The following ZC3H12B variants were observed in gnomAD, a reference collection of about 807,000 sequenced individuals.
ZC3H12B encodes zinc finger CCCH-type containing 12B, also known as probable ribonuclease ZC3H12B.
ZC3H12B carries 7 observed loss-of-function variants against 43.9 expected under a neutral mutation model. That is an observed-to-expected ratio of 0.16 (90% confidence interval 0.09 to 0.30). The LOEUF is 0.30. Ranked by LOEUF, ZC3H12B falls within the 10% of genes least tolerant of loss-of-function variation. The pLI is 1.00. For missense variants in ZC3H12B, 475 were observed against 670.2 expected, an observed-to-expected ratio of 0.71 and a Z score of 3.22; for synonymous variants, 222 against 241.7, an observed-to-expected ratio of 0.92 and a Z score of 0.76.
the ZC3H12B span, among the ~76,000 whole-genome samples, chrX:65,212,977 A>G: frequency 2.8e-5 from 3 of 107,291 alleles, no homozygotes; most frequent in African/African-American, 1.0e-4. Context: ...GTGTAATGCC[A>G]TTATTTGTTT....
At chrX:65,057,451 T>A in the ZC3H12B span, among the ~76,000 whole-genome samples, 6 of 112,127 alleles carry the variant, frequency 5.4e-5, no homozygotes, top group Non-Finnish European at 1.1e-4. Context: ...CTGAGAGATC[T>A]GCTGTTAGTC....
chrX:65,295,485 A>G, the ZC3H12B span, among the ~76,000 whole-genome samples: 1 of 111,681 alleles, frequency 9.0e-6, no homozygotes, highest in Non-Finnish European at 1.9e-5. Flanking sequence ...AAGTAAGGTC[A>G]CACCTCAAGG....
chrX:65,388,216 G>T (rs900494523), intron 2 of ZC3H12B, among the ~76,000 whole-genome samples: 1 of 111,980 alleles, frequency 8.9e-6, no homozygotes, highest in Non-Finnish European at 1.9e-5. Flanking sequence ...ACTTCTCCTG[G>T]ATAATATCCT....
the ZC3H12B span, among the ~76,000 whole-genome samples, chrX:65,224,300 G>A: frequency 3.6e-5 from 4 of 112,624 alleles, no homozygotes; most frequent in Middle Eastern, 4.6e-3. Context: ...CTCGGGAAAG[G>A]GTCTGAAGAT....
intron 3 of ZC3H12B, among the ~76,000 whole-genome samples, chrX:65,421,772 A>G (rs2067020209): frequency 1.8e-5 from 2 of 110,637 alleles, no homozygotes; most frequent in Admixed American, 9.6e-5. Context: ...CCACGGTGAA[A>G]CCCTGTCTCT....
At chrX:65,290,976 T>A in the ZC3H12B span, among the ~76,000 whole-genome samples, 2 of 111,550 alleles carry the variant, frequency 1.8e-5, no homozygotes, top group East Asian at 2.8e-4. Flanking sequence ...TGTATTTGAT[T>A]TTGGTGATGG....
intron 3 of ZC3H12B, 176 bp downstream of exon 8, chrX:65,499,409 C>T (rs775005815): frequency 2.2e-4 from 88 of 403,613 alleles, no homozygotes; most frequent in Middle Eastern, 2.0e-3. Flanking sequence ...AGTAGAGGAG[C>T]GAAAGAGACA....
At chrX:65,507,323 T>A (rs1200025106) in exon 5 of ZC3H12B, 1 of 112,436 alleles carries the variant, frequency 8.9e-6, no homozygotes, top group Non-Finnish European at 1.9e-5. Context: ...CTAGTTTGCT[T>A]ATCCTCACGT....
At chrX:65,335,330 A>C in the ZC3H12B span, among the ~76,000 whole-genome samples, 5 of 111,433 alleles carry the variant, frequency 4.5e-5, no homozygotes, top group African/African-American at 6.5e-5. Context: ...TTTTAACCAT[A>C]GTGCTTAAAA....
At chrX:65,220,433 A>C in the ZC3H12B span, among the ~76,000 whole-genome samples, 1 of 111,999 alleles carries the variant, frequency 8.9e-6, no homozygotes, top group Non-Finnish European at 1.9e-5. Flanking sequence ...AGAACCCACA[A>C]ACCAAATATC....
chrX:65,128,286 T>C, the ZC3H12B span, among the ~76,000 whole-genome samples: 1 of 112,320 alleles, frequency 8.9e-6, no homozygotes, highest in Non-Finnish European at 1.9e-5. Context: ...CTCAGTTCAA[T>C]ATATTTTATT....
the ZC3H12B span, among the ~76,000 whole-genome samples, chrX:65,337,473 C>T: frequency 3.6e-5 from 4 of 112,330 alleles, no homozygotes; most frequent in Non-Finnish European, 7.5e-5. Flanking sequence ...AGCTAATAAT[C>T]GAGTACTACA....
At chrX:65,088,287 T>TG in the ZC3H12B span, among the ~76,000 whole-genome samples, 8 of 111,348 alleles carry the variant, frequency 7.2e-5, no homozygotes, top group African/African-American at 9.8e-5. Flanking sequence ...AGAGTTCCTC[T>TG]GGGGGGGCTT....
chrX:65,199,254 C>T, the ZC3H12B span, among the ~76,000 whole-genome samples: 1 of 107,426 alleles, frequency 9.3e-6, no homozygotes, highest in Non-Finnish European at 1.9e-5. Context: ...TCTGCTTGAT[C>T]AGTTCTGCTG....
intron 3 of ZC3H12B, among the ~76,000 whole-genome samples, chrX:65,428,802 G>C (rs761518797): frequency 1.8e-5 from 2 of 112,354 alleles, no homozygotes; most frequent in African/African-American, 6.5e-5. Flanking sequence ...TTCCTGGAGA[G>C]GTCATTTGGA....
chrX:65,378,889 G>A (rs1008566685), intron 2 of ZC3H12B, among the ~76,000 whole-genome samples: 27 of 112,456 alleles, frequency 2.4e-4, no homozygotes, highest in East Asian at 5.6e-4. Flanking sequence ...CTAATACTGC[G>A]CTTTTCCGAT....
chrX:65,164,243 A>T, the ZC3H12B span, among the ~76,000 whole-genome samples: 1 of 111,151 alleles, frequency 9.0e-6, no homozygotes, highest in Admixed American at 9.7e-5. Flanking sequence ...GAATGAAATC[A>T]CAGGGGGTCA....
chrX:65,213,871 AG>A, the ZC3H12B span, among the ~76,000 whole-genome samples: 3 of 107,008 alleles, frequency 2.8e-5, no homozygotes, highest in Admixed American at 2.0e-4. Context: ...AATCATTTGA[AG>A]GCAACGTAAA....
the ZC3H12B span, among the ~76,000 whole-genome samples, chrX:65,137,508 C>A: frequency 1.7e-4 from 19 of 111,970 alleles, no homozygotes; most frequent in Middle Eastern, 4.9e-3. Context: ...ATATAACTCT[C>A]TGTTTAATGC....
Sources: gnomAD v4.1 joint callset for allele counts (sites outside exome capture counted in the v4.1 genomes callset) on GRCh38, gnomAD v4.1.1 for gene constraint, MANE v1.5 for transcripts, NCBI Gene and HGNC (gene_info 2026-07-23, HGNC 2026-07-21) for gene names.